CRYM: variants seen among roughly 807,000 people sequenced by gnomAD.
CRYM encodes crystallin mu, also known as ketimine reductase mu-crystallin.
Under a neutral mutation model 32.9 loss-of-function variants are expected in CRYM, and 18 were observed. That is an observed-to-expected ratio of 0.55 (90% CI 0.38 to 0.81). The LOEUF (loss-of-function observed/expected upper bound fraction) is 0.81. Among genes scored for constraint, CRYM ranks in the 30% least tolerant of loss-of-function variants. CRYM has a pLI of 0.00. For missense variants in CRYM, 337 were observed against 393.5 expected (o/e 0.86, Z 1.21); for synonymous variants, 153 against 152.4 (o/e 1.00, Z -0.03).
intron 5 of CRYM, among the ~76,000 whole-genome samples, chr16:21,265,129 T>C (rs2093361476): frequency 1.3e-5 from 2 of 152,180 alleles, no homozygotes; most frequent in African/African-American, 2.4e-5. Flanking sequence ...CTGGTTCCTT[T>C]TGATTTCCCA....
At chr16:21,289,725 CA>C (rs1960571079) in intron 1 of CRYM, among the ~76,000 whole-genome samples, 1 of 152,048 alleles carries the variant, frequency 6.6e-6, no homozygotes, top group African/African-American at 2.4e-5. Flanking sequence ...GGGCTGCTGG[CA>C]CAGGTGCCCG....
At chr16:21,264,602 G>A (rs2093360551) in intron 5 of CRYM, among the ~76,000 whole-genome samples, 1 of 152,164 alleles carries the variant, frequency 6.6e-6, no homozygotes, top group Non-Finnish European at 1.5e-5. Context: ...TGTTGTCTGC[G>A]CTTGTGACAC....
At chr16:21,267,819 A>G in intron 4 of CRYM, 82 bp from the exon 5 acceptor site, 11 of 1,375,028 alleles carry the variant, frequency 8.0e-6, no homozygotes, top group Non-Finnish European at 1.0e-5. Flanking sequence ...GCGGAGGGAA[A>G]GTTGAACTAC....
chr16:21,267,647 C>T lies in CRYM; in HGVS notation c.580G>A (p.Ala194Thr), dbSNP rs1156965560. ...ATGATCACATCTGCACCTGCCACAG[C>T]CTCCTGGACCGAAGAACAGACCCGT... ...EVRVCSSVQE[A>T]VAGADVIITV... Residue 194 changes from alanine (A) to threonine (T), a missense_variant, in exon 5 of 8, where the codon GCT becomes ACT. By Grantham distance (58) the Ala-to-Thr change is moderately conservative. Transcript: ENST00000572914. The T allele has an allele frequency of 4.3e-6, 7 of 1,614,092 alleles. No individual in the cohort carries two copies. In the Admixed American group the frequency reaches 8.3e-5, roughly 19 times the overall value.
At chr16:21,297,708 A>G (rs1338283499) in intron 1 of CRYM, among the ~76,000 whole-genome samples, 3 of 152,208 alleles carry the variant, frequency 2.0e-5, no homozygotes, top group East Asian at 3.8e-4. Flanking sequence ...TGTCTTATGC[A>G]TGTATGTAGA....
intron 3 of CRYM, among the ~76,000 whole-genome samples, chr16:21,272,816 A>ATTTTTTT (rs60416570): frequency 1.2e-4 from 5 of 42,292 alleles, no homozygotes; most frequent in East Asian, 5.0e-4. Flanking sequence ...TGCCCAGCTA[A>ATTTTTTT]TTTTTTTTTT....
chr16:21,289,400 T>C (rs1225444786), intron 1 of CRYM, among the ~76,000 whole-genome samples: 1 of 152,220 alleles, frequency 6.6e-6, no homozygotes, highest in Non-Finnish European at 1.5e-5. Flanking sequence ...TCCAGCTCTC[T>C]TTTGGTTACC....
chr16:21,291,287 G>A (rs1458901508), intron 1 of CRYM, among the ~76,000 whole-genome samples: 3 of 152,176 alleles, frequency 2.0e-5, no homozygotes, highest in Admixed American at 2.0e-4. Flanking sequence ...AGGTGAATAT[G>A]TTGTGTTCCT....
At position 21,261,250 on chromosome 16, in the gene CRYM, T is replaced by C; in HGVS notation, c.880+4A>G. On this transcript the variant is annotated splice_donor_region_variant and intron_variant, in intron 7 of 7. Coordinates refer to ENST00000572914, the MANE Select transcript of CRYM (RefSeq NM_001376256.1). The stretch of plus-strand genomic sequence containing the variant: ...ATTTGTGCCCAGGGAGCAATGGATC[T>C]TACCCAAAGACTTGAACACGGTGGT... 1 of 1,612,388 alleles carries C rather than the reference T, an allele frequency of 6.2e-7. No individual in the cohort carries two copies. The highest frequency in any genetic ancestry group is 8.5e-7 in the Non-Finnish European group (1 of 1,178,538).
intron 3 of CRYM, among the ~76,000 whole-genome samples, chr16:21,273,666 G>A (rs2093380566): frequency 6.6e-6 from 1 of 152,128 alleles, no homozygotes; most frequent in South Asian, 2.1e-4. Flanking sequence ...AAAAGGACCC[G>A]CAGGAACCTG....
At chr16:21,292,677 T>C (rs1369684767) in intron 1 of CRYM, among the ~76,000 whole-genome samples, 1 of 152,120 alleles carries the variant, frequency 6.6e-6, no homozygotes, top group Non-Finnish European at 1.5e-5. Context: ...ATTATAAAAC[T>C]ACAGTAATTA....
At chr16:21,276,137 G>A (rs1229833713) in intron 2 of CRYM, among the ~76,000 whole-genome samples, 1 of 152,174 alleles carries the variant, frequency 6.6e-6, no homozygotes, top group African/African-American at 2.4e-5. Context: ...GATACACAGC[G>A]AAGGTTGAAA....
upstream of CRYM, among the ~76,000 whole-genome samples, chr16:21,280,230 A>G (rs2093395835): frequency 6.6e-6 from 1 of 152,270 alleles, no homozygotes; most frequent in East Asian, 1.9e-4. Context: ...AAATACAAAA[A>G]TTAGCTGGGT....
chr16:21,265,655 AT>A (rs1262775163), intron 5 of CRYM, among the ~76,000 whole-genome samples: 1 of 152,188 alleles, frequency 6.6e-6, no homozygotes, highest in East Asian at 1.9e-4. Context: ...CACGGTAGAG[AT>A]TCAGTCAGCA....
intron 1 of CRYM, among the ~76,000 whole-genome samples, chr16:21,298,217 G>A (rs1960827936): frequency 6.6e-6 from 1 of 152,164 alleles, no homozygotes; most frequent in African/African-American, 2.4e-5. Context: ...CCAGTTCTGT[G>A]TACCTCCAAG....
chr16:21,278,290 C>T lies in CRYM; in HGVS notation c.-39G>A. 6.4e-6 allele frequency: 10 copies of T among 1,559,672 alleles called. No individual in the cohort carries two copies. Among genetic ancestry groups the T allele is most frequent in the East Asian group, 2.4e-5 (1 of 41,906 alleles). ...CCTTCTAACCTCAGTCTCCGCACCG[C>T]GATCCACGTACCCTCGGCTGTGCCC... On this transcript the variant is annotated 5_prime_UTR_variant, in exon 1 of 8. Transcript: ENST00000572914.
At chr16:21,266,414 T>A (rs1254905985) in intron 5 of CRYM, among the ~76,000 whole-genome samples, 1 of 152,088 alleles carries the variant, frequency 6.6e-6, no homozygotes, top group East Asian at 1.9e-4. Context: ...TACAAAGAAT[T>A]CATGACAGCA....
chr16:21,264,321 C>T (rs1046606018), intron 5 of CRYM, among the ~76,000 whole-genome samples: 2 of 152,204 alleles, frequency 1.3e-5, no homozygotes, highest in Admixed American at 1.3e-4. Context: ...TGGACTATTT[C>T]CCCTGCACAA....
chr16:21,286,817 G>T (rs1442367449), intron 1 of CRYM, among the ~76,000 whole-genome samples: 1 of 152,176 alleles, frequency 6.6e-6, no homozygotes, highest in East Asian at 1.9e-4. Flanking sequence ...TAGGCCGGGC[G>T]CAGTGGCTCA....
Sources: gnomAD v4.1 joint callset for allele counts (sites outside exome capture counted in the v4.1 genomes callset) on GRCh38, gnomAD v4.1.1 for gene constraint, MANE v1.5 for transcripts, NCBI Gene and HGNC (gene_info 2026-07-23, HGNC 2026-07-21) for gene names.